Variants in ATF7IP observed in about 807,000 individuals in gnomAD.
ATF7IP encodes the protein activating transcription factor 7 interacting protein, also known as activating transcription factor 7-interacting protein 1.
In ATF7IP, 23 loss-of-function variants were observed where a neutral mutation model predicts 106.4. The observed-to-expected ratio is 0.22, with a 90% CI of 0.16 to 0.31. The LOEUF (loss-of-function observed/expected upper bound fraction) is 0.31. Among genes scored for constraint, ATF7IP ranks in the 10% least tolerant of loss-of-function variants. The pLI, the probability that ATF7IP is intolerant of heterozygous loss-of-function variation, is 1.00. For missense variants in ATF7IP, 1,334 were observed against 1,524.3 expected (o/e 0.88, Z 2.08); for synonymous variants, 542 against 539.0 (o/e 1.01, Z -0.08).
chr12:14,453,518 T>A (rs543336305), intron 6 of ATF7IP, among the ~76,000 whole-genome samples: 3 of 152,344 alleles, frequency 2.0e-5, no homozygotes, highest in South Asian at 4.1e-4. Flanking sequence ...TAATTTGTAT[T>A]ATGATACGTT....
intron 1 of ATF7IP, among the ~76,000 whole-genome samples, chr12:14,380,398 TC>T (rs1938953689): frequency 6.6e-6 from 1 of 152,178 alleles, no homozygotes; most frequent in African/African-American, 2.4e-5. Context: ...GTTTGAAACT[TC>T]CCTTTAGGCT....
chr12:14,449,546 A>G (rs1412199285), intron 6 of ATF7IP, among the ~76,000 whole-genome samples: 1 of 151,116 alleles, frequency 6.6e-6, no homozygotes, highest in Non-Finnish European at 1.5e-5. Context: ...TAGCTTTGTA[A>G]TATATTTTGT....
At chr12:14,419,807 T>C (rs765794495) in intron 1 of ATF7IP, among the ~76,000 whole-genome samples, 3 of 152,182 alleles carry the variant, frequency 2.0e-5, no homozygotes, top group Non-Finnish European at 4.4e-5. Context: ...ACATTTTGTA[T>C]TAAGGTTTCT....
rs569299037 is a variant in ATF7IP at position 14,444,987 on chromosome 12, C to G, written c.1930-2001C>G. ...ACTATGCAATTTTTAGTGTAACCAC[C>G]TAGTTTTTTTTTTTTTTTTTTTGAG... On this transcript the variant is annotated intron_variant, in intron 5 of 14. Transcript: ENST00000261168. 8.1e-3 allele frequency among the ~76,000 whole-genome samples: 1,199 copies of G among 147,964 alleles called. 18 individuals carry two copies. The highest frequency in any genetic ancestry group is 0.028 in the African/African-American group (1,110 of 39,628).
At chr12:14,414,287 C>T (rs1269920519) in intron 1 of ATF7IP, among the ~76,000 whole-genome samples, 1 of 152,032 alleles carries the variant, frequency 6.6e-6, no homozygotes, top group Non-Finnish European at 1.5e-5. Context: ...CTTCCCATGC[C>T]CTTAGTGACT....
In ATF7IP at chr12:14,425,387, C is replaced by G; in HGVS notation, c.1472C>G (p.Ala491Gly). The G allele has an allele frequency of 6.2e-7, 1 of 1,611,474 alleles. No individual in the cohort carries two copies. Among genetic ancestry groups the G allele is most frequent in the Non-Finnish European group, 8.5e-7 (1 of 1,179,306 alleles). ...QESSESLPKE[A>G]FLVLSDEEDI... ...AGTAGTGAGAGTTTGCCAAAAGAAG[C>G]CTTTCTGGTCCTCTCTGATGAAGAG... is the stretch of plus-strand genomic sequence containing the variant. The change falls in exon 2 of 15, where the codon GCC (alanine) becomes GGC (glycine). Residue 491 changes from alanine (A) to glycine (G), a missense_variant. Ala to Gly is a moderately conservative substitution (Grantham distance 60). Transcript: ENST00000261168.
Position 14,481,185 on chromosome 12 carries a change from A to C in ATF7IP, c.3280A>C (p.Ser1094Arg). The change falls in exon 13 of 15, where the codon AGT (serine) becomes CGT (arginine). Residue 1094 changes from serine (S) to arginine (R), a missense_variant and splice_region_variant. Coordinates refer to ENST00000261168, the MANE Select transcript of ATF7IP (RefSeq NM_018179.5). ...TGTTCGGCAGGTCAATCCCCAAAAT[A>C]GTAAGAGATTTTTCTTGTATATGGC... is the stretch of plus-strand genomic sequence containing the variant. The part of the protein sequence containing the change: ...PAVRQVNPQN[S>R]VTVRVPQTTT... 1 of 1,613,574 alleles carries C rather than the reference A, an allele frequency of 6.2e-7. No individual in the cohort carries two copies. Among genetic ancestry groups the C allele is most frequent in the Non-Finnish European group, 8.5e-7 (1 of 1,179,930 alleles).
Position 14,495,044 on chromosome 12 carries a change from G to A in ATF7IP, c.3281-1187G>A, listed in dbSNP as rs562832248. Among the ~76,000 whole-genome samples the A allele has an allele frequency of 2.0e-5, 3 of 152,202 alleles. 1 individual carries two copies. In the South Asian group the frequency reaches 6.2e-4, roughly 32 times the overall value. Reference sequence around the variant, plus strand: ...AGAACTTGGAGGCCAATGTTCCAGGGCAGGAAGCATCCAGCACAGGAAAAA... The same window carrying A: ...AGAACTTGGAGGCCAATGTTCCAGGACAGGAAGCATCCAGCACAGGAAAAA... On this transcript the variant is annotated intron_variant, in intron 13 of 14. Coordinates refer to ENST00000261168, the MANE Select transcript of ATF7IP (RefSeq NM_018179.5).
intron 5 of ATF7IP, among the ~76,000 whole-genome samples, chr12:14,444,992 T>G (rs1942880694): frequency 6.8e-6 from 1 of 146,246 alleles, no homozygotes; most frequent in Non-Finnish European, 1.5e-5. Flanking sequence ...ACCACCTAGT[T>G]TTTTTTTTTT....
At chr12:14,409,596 A>G (rs912181581) in intron 1 of ATF7IP, among the ~76,000 whole-genome samples, 1 of 152,076 alleles carries the variant, frequency 6.6e-6, no homozygotes, top group South Asian at 2.1e-4. Context: ...TTTTATGCCC[A>G]TTACTGCAAT....
intron 1 of ATF7IP, among the ~76,000 whole-genome samples, chr12:14,412,778 CCGAG>C (rs1400746081): frequency 6.6e-6 from 1 of 151,862 alleles, no homozygotes; most frequent in Non-Finnish European, 1.5e-5. Flanking sequence ...CTTTGGGTGG[CCGAG>C]GCAGGTGGAT....
rs773892983 is a variant in ATF7IP at position 14,497,907 on chromosome 12, T to C, written c.3647T>C (p.Ile1216Thr). 1.2e-6 allele frequency: 2 copies of C among 1,614,176 alleles called. No individual in the cohort carries two copies. Among genetic ancestry groups the C allele is most frequent in the South Asian group, 1.1e-5 (1 of 91,082 alleles). ...SATVPSQWKK[I>T]GEVKALPLPM... is the part of the protein sequence containing the mutation. ...ACTGTGCCCTCACAATGGAAAAAGA[T>C]TGGGGAAGTCAAGGCACTTCCCTTG... is the stretch of plus-strand genomic sequence containing the variant. The change falls in exon 15 of 15, where the codon ATT (isoleucine) becomes ACT (threonine). Residue 1216 changes from isoleucine to threonine, a missense_variant. Ile to Thr is a moderately conservative substitution (Grantham distance 89, BLOSUM62 -1). This residue lies in a region of ATF7IP where 80 missense variants were observed against 157.0 expected (regional missense o/e 0.51). Coordinates refer to ENST00000261168, the MANE Select transcript of ATF7IP (RefSeq NM_018179.5).
chr12:14,392,145 CAA>C (rs1939589534), intron 1 of ATF7IP, among the ~76,000 whole-genome samples: 1 of 151,988 alleles, frequency 6.6e-6, no homozygotes, highest in Non-Finnish European at 1.5e-5. Context: ...ATGAGGATAA[CAA>C]ATATAAAGTC....
At chr12:14,410,228 C>T (rs74069824) in intron 1 of ATF7IP, among the ~76,000 whole-genome samples, 3,050 of 152,100 alleles carry the variant, frequency 0.02, 107 homozygotes, top group African/African-American at 0.07. Flanking sequence ...TGTAGTCAAC[C>T]GTGGGTAATA....
At chr12:14,425,944 C>T (rs1941822984) in intron 2 of ATF7IP, among the ~76,000 whole-genome samples, 1 of 152,152 alleles carries the variant, frequency 6.6e-6, no homozygotes, top group South Asian at 2.1e-4. Context: ...AATGACAGCA[C>T]CATTGTTGTA....
intron 9 of ATF7IP, among the ~76,000 whole-genome samples, chr12:14,465,462 G>A (rs960834625): frequency 6.6e-6 from 1 of 151,628 alleles, no homozygotes; most frequent in African/African-American, 2.4e-5. Context: ...AATTAGTTTT[G>A]TTAGTCTTTC....
chr12:14,481,728 T>G (rs933910935), intron 13 of ATF7IP: 2 of 291,832 alleles, frequency 6.9e-6, no homozygotes, highest in Non-Finnish European at 1.4e-5. Flanking sequence ...ATTGGTATAT[T>G]CTCTACTCTA....
intron 11 of ATF7IP, chr12:14,476,461 A>T (rs1944267800): frequency 6.6e-6 from 1 of 150,690 alleles, no homozygotes; most frequent in African/African-American, 2.4e-5. Context: ...TTAAATGAGT[A>T]TGAACAATGT....
In ATF7IP at chr12:14,424,164, A is replaced by C; in HGVS notation, c.249A>C (p.Gly83=). The C allele has an allele frequency of 6.2e-7, 1 of 1,614,220 alleles. No homozygotes were observed. The highest frequency in any genetic ancestry group is 8.5e-7 in the Non-Finnish European group (1 of 1,180,034). The change falls in exon 2 of 15, where the codon GGA becomes GGC. Residue 83 remains glycine (G), a synonymous_variant. Transcript: ENST00000261168. ...GIEEICFDPE[G]SKAEWKETPC... ...AAGAGATTTGTTTTGATCCTGAAGG[A>C]AGTAAAGCAGAATGGAAGGAAACAC...
Sources: allele counts gnomAD v4.1 joint callset (sites outside exome capture counted in the v4.1 genomes callset), GRCh38; gene constraint gnomAD v4.1.1; regional missense constraint gnomAD v4.1.1; transcripts MANE v1.5; gene names NCBI Gene and HGNC (gene_info 2026-07-23, HGNC 2026-07-21).